The following COL11A1 variants were observed in gnomAD, a reference collection of about 807,000 sequenced individuals.
COL11A1 encodes collagen alpha-1(XI) chain.
In COL11A1, 74 loss-of-function variants were observed where a neutral mutation model predicts 265.2. The observed-to-expected ratio is 0.28, with a 90% CI of 0.23 to 0.34. COL11A1 has a LOEUF of 0.34. Ranked by LOEUF, COL11A1 falls within the 10% of genes least tolerant of loss-of-function variation. The pLI, the probability that COL11A1 is intolerant of heterozygous loss-of-function variation, is 1.00. For missense variants in COL11A1, 2,165 were observed against 2,263.6 expected, an observed-to-expected ratio of 0.96 and a Z score of 0.88; for synonymous variants, 816 against 727.6, an observed-to-expected ratio of 1.12 and a Z score of -1.96.
At chr1:103,006,729 G>C (rs1471020385) in intron 15 of COL11A1, among the ~76,000 whole-genome samples, 3 of 151,620 alleles carry the variant, frequency 2.0e-5, no homozygotes, top group Non-Finnish European at 2.9e-5. Flanking sequence ...AGTAGAGATG[G>C]GGTTTCACCA....
At chr1:102,898,906 T>A (rs1415152124) in intron 55 of COL11A1, 35 bp downstream of exon 55, 6 of 1,063,246 alleles carry the variant, frequency 5.6e-6, no homozygotes, top group Non-Finnish European at 6.4e-6. Flanking sequence ...ATATAATATA[T>A]AATATATATT....
chr1:103,040,476 ACT>A (rs1235651781), intron 4 of COL11A1, among the ~76,000 whole-genome samples: 1 of 151,474 alleles, frequency 6.6e-6, no homozygotes, highest in Admixed American at 6.6e-5. Context: ...ATTTAAGGAA[ACT>A]CTTATGTAAA....
In COL11A1 at chr1:102,915,659, G is replaced by A. The variant is rs767905237; in HGVS notation, c.3788C>T (p.Pro1263Leu). 9.2e-5 allele frequency: 148 copies of A among 1,612,984 alleles called. 1 individual carries two copies. In the East Asian group the frequency reaches 3.2e-3, roughly 35 times the overall value. The part of the protein sequence containing the change: ...EKGEPGEAGN[P>L]GPPGEAGVGG... ...TACACCTGCTTCCCCAGGAGGCCCT[G>A]GGTTCCCTGCTTCTCCAGGTTCACC... Residue 1263 changes from proline to leucine, a missense_variant, in exon 50 of 67, where the codon CCA (proline) becomes CTA (leucine). Transcript: ENST00000370096.
intron 51 of COL11A1, 79 bp downstream of exon 51, chr1:102,914,625 G>T: frequency 8.7e-7 from 1 of 1,147,134 alleles, no homozygotes; most frequent in Non-Finnish European, 1.3e-6. Context: ...CAGAGTCTCA[G>T]GATTTCAAAT....
At chr1:103,054,874 C>A (rs1336636462) in intron 4 of COL11A1, among the ~76,000 whole-genome samples, 1 of 152,036 alleles carries the variant, frequency 6.6e-6, no homozygotes, top group East Asian at 1.9e-4. Flanking sequence ...GCACTCCAGC[C>A]TGGGCAACAA....
chr1:103,024,882 ATTGTATG>A (rs138448070), intron 7 of COL11A1, among the ~76,000 whole-genome samples: 5,586 of 152,176 alleles, frequency 0.037, 118 homozygotes, highest in Middle Eastern at 0.09. Context: ...GTTAAACTGA[ATTGTATG>A]TTGTATTCTT....
At position 103,108,240 on chromosome 1, in the gene COL11A1, T is replaced by C. The variant is rs1214336677; in HGVS notation, c.-62A>G. 15 of 1,322,598 alleles carry C rather than the reference T, an allele frequency of 1.1e-5. No individual in the cohort carries two copies. The highest frequency in any genetic ancestry group is 1.4e-5 in the Non-Finnish European group (13 of 918,718). 81.9% of individuals were successfully genotyped at this position (1,322,598 alleles called of 1,614,324 possible). On this transcript the variant is annotated 5_prime_UTR_variant, in exon 1 of 67. Coordinates refer to ENST00000370096, the MANE Select transcript of COL11A1 (RefSeq NM_001854.4). ...ACGAAATTGCGACTGCAGACCAACT[T>C]CGTCCTTTCCAAGGTATCGCCAGGG...
At chr1:103,096,562 T>C (rs1028176814) in intron 1 of COL11A1, among the ~76,000 whole-genome samples, 4 of 151,994 alleles carry the variant, frequency 2.6e-5, no homozygotes, top group African/African-American at 4.8e-5. Flanking sequence ...CAGTCAAGTA[T>C]GCAAGTCTGA....
intron 41 of COL11A1, among the ~76,000 whole-genome samples, chr1:102,955,567 AT>A (rs1379887623): frequency 6.6e-6 from 1 of 152,142 alleles, no homozygotes; most frequent in African/African-American, 2.4e-5. Context: ...ATACTACTAT[AT>A]TTGTTTTAAT....
At chr1:103,087,134 G>T (rs193091007) in intron 1 of COL11A1, among the ~76,000 whole-genome samples, 1 of 152,262 alleles carries the variant, frequency 6.6e-6, no homozygotes, top group African/African-American at 2.4e-5. Context: ...CATATTCAAA[G>T]CAATTCTTAA....
chr1:102,982,435 A>T (rs1663126713), intron 31 of COL11A1, among the ~76,000 whole-genome samples: 1 of 152,080 alleles, frequency 6.6e-6, no homozygotes, highest in Non-Finnish European at 1.5e-5. Flanking sequence ...GAAGTGATGT[A>T]AGGATAGCTT....
intron 62 of COL11A1, among the ~76,000 whole-genome samples, chr1:102,887,856 G>A (rs1651199850): frequency 2.6e-5 from 4 of 152,044 alleles, no homozygotes. Context: ...AGAGACACAG[G>A]GGAAAGACAG....
intron 30 of COL11A1, among the ~76,000 whole-genome samples, chr1:102,987,080 C>G (rs2101734236): frequency 6.6e-6 from 1 of 152,130 alleles, no homozygotes; most frequent in East Asian, 1.9e-4. Flanking sequence ...TTCTCAACAT[C>G]TAATGTGGAA....
chr1:103,031,272 A>T (rs754368358), intron 4 of COL11A1, 28 bp from the exon 5 acceptor site: 1 of 1,594,912 alleles, frequency 6.3e-7, no homozygotes, highest in South Asian at 1.1e-5. Flanking sequence ...ACAAAAACAA[A>T]CAGACACAGA....
chr1:103,099,248 G>T (rs1035910318), intron 1 of COL11A1, among the ~76,000 whole-genome samples: 1 of 151,482 alleles, frequency 6.6e-6, no homozygotes, highest in African/African-American at 2.4e-5. Context: ...TATTCCAAAA[G>T]AATTTTACAA....
chr1:103,093,935 GA>G (rs1391124767), intron 1 of COL11A1, among the ~76,000 whole-genome samples: 1 of 152,096 alleles, frequency 6.6e-6, no homozygotes, highest in African/African-American at 2.4e-5. Flanking sequence ...AACGCTGATA[GA>G]AAGAACATCA....
Position 102,939,023 on chromosome 1 carries a change from T to C in COL11A1, c.3438+12A>G, listed in dbSNP as rs372541879. 1.2e-6 allele frequency: 2 copies of C among 1,611,548 alleles called. No homozygotes were observed. Among genetic ancestry groups the C allele is most frequent in the African/African-American group, 2.7e-5 (2 of 74,864 alleles). ...TAAATAATGTTCTCTCAGTAAGAAG[T>C]AGGAAACTCACATTTTCTCCCTTGT... On this transcript the variant is annotated intron_variant, in intron 44 of 66. Coordinates refer to ENST00000370096, the MANE Select transcript of COL11A1 (RefSeq NM_001854.4).
intron 35 of COL11A1, among the ~76,000 whole-genome samples, chr1:102,976,529 C>G (rs1324428069): frequency 6.6e-6 from 1 of 151,900 alleles, no homozygotes; most frequent in Non-Finnish European, 1.5e-5. Context: ...GAACTCCTGA[C>G]CTCAGGTAAT....
intron 8 of COL11A1, among the ~76,000 whole-genome samples, chr1:103,021,991 C>T (rs984733741): frequency 1.3e-5 from 2 of 149,422 alleles, no homozygotes; most frequent in Non-Finnish European, 1.5e-5. Flanking sequence ...AGACTACAGG[C>T]GCCCGCCACC....
Sources: gnomAD v4.1 joint callset for allele counts (sites outside exome capture counted in the v4.1 genomes callset) on GRCh38, gnomAD v4.1.1 for gene constraint, MANE v1.5 for transcripts, NCBI Gene and HGNC (gene_info 2026-07-23, HGNC 2026-07-21) for gene names.